Variants in ADAMTSL3 observed in about 807,000 individuals in gnomAD.
ADAMTSL3 encodes the protein ADAMTS like 3.
ADAMTSL3 carries 128 observed loss-of-function variants against 201.7 expected under a neutral mutation model. That is an observed-to-expected ratio of 0.63 (90% confidence interval 0.55 to 0.73). ADAMTSL3 has a LOEUF of 0.73. ADAMTSL3 is among the 30% of genes least tolerant of loss of function. The probability of loss-of-function intolerance (pLI) is 0.00; values close to 1 mark genes in which losing one functional copy is unlikely to be tolerated. For missense variants in ADAMTSL3, 1,990 were observed against 2,119.6 expected (o/e 0.94, Z 1.20); for synonymous variants, 738 against 748.4 (o/e 0.99, Z 0.23).
intron 23 of ADAMTSL3, 125 bp downstream of exon 23, chr15:83,991,339 A>T (rs547568509): frequency 7.1e-7 from 1 of 1,402,536 alleles, no homozygotes; most frequent in African/African-American, 1.4e-5. Flanking sequence ...GCTTAAAAAA[A>T]AGATTTTCCA....
At chr15:83,904,343 G>A (rs2065794742) in intron 15 of ADAMTSL3, among the ~76,000 whole-genome samples, 2 of 151,920 alleles carry the variant, frequency 1.3e-5, no homozygotes, top group Non-Finnish European at 2.9e-5. Context: ...AAACAAAACC[G>A]CAACATATCT....
chr15:84,033,125 C>T lies in ADAMTSL3; in HGVS notation c.4754+1693C>T, dbSNP rs182542673. Among the ~76,000 whole-genome samples, 9 of 152,002 alleles carry T rather than the reference C, an allele frequency of 5.9e-5. 1 individual carries two copies. In the East Asian group the frequency reaches 1.7e-3, roughly 29 times the overall value. ...CATTTTTTCTTTTCTGCCACCATTA[C>T]CCTTGGCCAAACCACCATCGTATCT... On this transcript the variant is annotated intron_variant, in intron 28 of 29. Coordinates refer to ENST00000286744, the MANE Select transcript of ADAMTSL3 (RefSeq NM_207517.3).
chr15:84,030,128 C>T (rs1409882792), intron 27 of ADAMTSL3, among the ~76,000 whole-genome samples: 1 of 152,206 alleles, frequency 6.6e-6, no homozygotes, highest in Non-Finnish European at 1.5e-5. Flanking sequence ...GTTGGAGCCT[C>T]CACACAGAGT....
rs969857729 is a variant in ADAMTSL3, at chr15:83,895,943, C to G, written c.1468-1915C>G. ...CAATATTCTGCCTGATGTGTGTACA[C>G]TGAGAAAGGCCTCCATATCCTCGAA... On this transcript the variant is annotated intron_variant, in intron 13 of 29. Coordinates refer to ENST00000286744, the MANE Select transcript of ADAMTSL3 (RefSeq NM_207517.3). Among the ~76,000 whole-genome samples the G allele has an allele frequency of 3.3e-5, 5 of 152,260 alleles. No homozygotes were observed. In the South Asian group the frequency reaches 8.3e-4, roughly 25 times the overall value.
intron 19 of ADAMTSL3, among the ~76,000 whole-genome samples, chr15:83,959,619 C>G (rs748252135): frequency 6.6e-6 from 1 of 152,164 alleles, no homozygotes; most frequent in African/African-American, 2.4e-5. Context: ...AACTGACTTT[C>G]AAGTTTAAAG....
intron 4 of ADAMTSL3, among the ~76,000 whole-genome samples, chr15:83,790,911 A>G (rs916540486): frequency 2.6e-5 from 4 of 152,224 alleles, no homozygotes; most frequent in Non-Finnish European, 5.9e-5. Flanking sequence ...ATAATCATTC[A>G]GAAAAGTTAA....
At chr15:83,975,204 A>G (rs4842842) in intron 20 of ADAMTSL3, among the ~76,000 whole-genome samples, 25,686 of 151,462 alleles carry the variant, frequency 0.17, 2,810 homozygotes, top group Middle Eastern at 0.33. Context: ...GGGTTTCACC[A>G]TGTTAGCCAG....
chr15:83,905,233 G>T (rs561150094), intron 15 of ADAMTSL3, among the ~76,000 whole-genome samples: 133 of 152,236 alleles, frequency 8.7e-4, no homozygotes, highest in Non-Finnish European at 1.6e-3. Context: ...AGACAGAGAA[G>T]TGAGTGACTG....
intron 2 of ADAMTSL3, among the ~76,000 whole-genome samples, chr15:83,703,627 G>A (rs1049550949): frequency 2.6e-5 from 4 of 152,072 alleles, no homozygotes; most frequent in African/African-American, 9.7e-5. Context: ...TGTCGGAAGT[G>A]CCTTTCACCT....
chr15:83,845,996 A>G (rs1030873334), intron 7 of ADAMTSL3, among the ~76,000 whole-genome samples: 16 of 152,110 alleles, frequency 1.1e-4, no homozygotes, highest in Non-Finnish European at 2.2e-4. Flanking sequence ...CTTGACCTAC[A>G]CAGAATTGAA....
Position 83,970,555 on chromosome 15 carries a change from G to C in ADAMTSL3, c.2562G>C (p.Arg854=). 6.2e-7 allele frequency: 1 copy of C among 1,614,212 alleles called. No homozygotes were observed. ...QVCQRLAAKG[R]RIPLSEMMCR... is the part of the protein sequence containing the mutation. ...GTCAAAGGCTGGCAGCCAAAGGTCGGCGCATCCCCCTCAGTGAGATGATGT... is the reference window on the plus strand; with the variant it reads ...GTCAAAGGCTGGCAGCCAAAGGTCGCCGCATCCCCCTCAGTGAGATGATGT... Residue 854 remains arginine (R), a synonymous_variant, in exon 20 of 30, where the codon CGG becomes CGC. Transcript: ENST00000286744.
At chr15:83,711,038 T>C (rs942382541) in intron 3 of ADAMTSL3, among the ~76,000 whole-genome samples, 1 of 152,252 alleles carries the variant, frequency 6.6e-6, no homozygotes, top group African/African-American at 2.4e-5. Flanking sequence ...AATATATTAA[T>C]AATGAAGTCT....
intron 19 of ADAMTSL3, among the ~76,000 whole-genome samples, chr15:83,954,129 G>T (rs1039895792): frequency 6.6e-6 from 1 of 152,062 alleles, no homozygotes; most frequent in African/African-American, 2.4e-5. Flanking sequence ...TACCCCTATC[G>T]CTTTCTCTAC....
At chr15:83,757,446 G>GGCTGAGTGGCTGAGT (rs1241982980) in intron 3 of ADAMTSL3, among the ~76,000 whole-genome samples, 1 of 152,134 alleles carries the variant, frequency 6.6e-6, no homozygotes, top group Non-Finnish European at 1.5e-5. Flanking sequence ...GTGGCTGAGT[G>GGCTGAGTGGCTGAGT]GCTGAGATGC....
intron 9 of ADAMTSL3, among the ~76,000 whole-genome samples, chr15:83,882,838 CTT>C (rs2065301653): frequency 6.6e-6 from 1 of 151,968 alleles, no homozygotes; most frequent in African/African-American, 2.4e-5. Context: ...TATGTGATAA[CTT>C]TTAGGATTTT....
Position 84,036,648 on chromosome 15 carries a change from T to C in ADAMTSL3, c.4755-125T>C, listed in dbSNP as rs1259264911. ...TAAAAGCAGAGGAATGTCTTGGTCT[T>C]AGACTCTCCATCCAACCTTTAATAC... On this transcript the variant is annotated intron_variant, in intron 28 of 29. Transcript: ENST00000286744. The C allele has an allele frequency of 1.4e-5, 10 of 697,804 alleles. No individual in the cohort carries two copies. In the African/African-American group the frequency reaches 1.6e-4, roughly 11 times the overall value. 43.2% of individuals were successfully genotyped at this position (697,804 alleles called of 1,614,324 possible).
rs547906268 is a variant in ADAMTSL3, at chr15:83,910,077, G to C, written c.1701-3015G>C. On this transcript the variant is annotated intron_variant, in intron 15 of 29. Transcript: ENST00000286744. ...CTCTGTGTCATTAATTTGATCTTCAGCCATGTTTCTTCTGTTTTTTCCTAG... is the reference window on the plus strand; with the variant it reads ...CTCTGTGTCATTAATTTGATCTTCACCCATGTTTCTTCTGTTTTTTCCTAG... 1.5e-4 allele frequency among the ~76,000 whole-genome samples: 23 copies of C among 152,116 alleles called. No homozygotes were observed. In the South Asian group the frequency reaches 1.9e-3, roughly 12 times the overall value.
At chr15:83,871,481 C>G (rs760622962) in intron 9 of ADAMTSL3, among the ~76,000 whole-genome samples, 11 of 152,206 alleles carry the variant, frequency 7.2e-5, no homozygotes, top group Non-Finnish European at 4.4e-5. Context: ...GCGGCTCATT[C>G]CTTAGCCTCC....
intron 8 of ADAMTSL3, among the ~76,000 whole-genome samples, chr15:83,866,062 C>T (rs1386751469): frequency 1.3e-5 from 2 of 152,148 alleles, no homozygotes; most frequent in South Asian, 2.1e-4. Flanking sequence ...TGATGAGATA[C>T]CATCTCACAC....
Sources: allele counts gnomAD v4.1 joint callset (sites outside exome capture counted in the v4.1 genomes callset), GRCh38; gene constraint gnomAD v4.1.1; transcripts MANE v1.5; gene names NCBI Gene and HGNC (gene_info 2026-07-23, HGNC 2026-07-21).